KCTD5: variants seen among roughly 807,000 people sequenced by gnomAD.
The protein encoded by KCTD5 is potassium channel tetramerization domain containing 5.
Under a neutral mutation model 27.9 loss-of-function variants are expected in KCTD5, and 12 were observed. The observed-to-expected ratio is 0.43, with a 90% CI of 0.28 to 0.70. The LOEUF is 0.70. Among genes scored for constraint, KCTD5 ranks in the 30% least tolerant of loss-of-function variants. The pLI is 0.19. For synonymous variants in KCTD5, 147 were observed against 121.4 expected, an observed-to-expected ratio of 1.21 and a Z score of -1.39; for missense variants, 226 against 274.8, an observed-to-expected ratio of 0.82 and a Z score of 1.26.
intron 1 of KCTD5, among the ~76,000 whole-genome samples, chr16:2,692,160 T>G (rs1303592803): frequency 6.6e-6 from 1 of 152,164 alleles, no homozygotes; most frequent in East Asian, 1.9e-4. Flanking sequence ...CTTGCAAAGC[T>G]CCACGTCCCT....
chr16:2,687,444 G>C (rs1260020570), intron 1 of KCTD5, among the ~76,000 whole-genome samples: 2 of 152,228 alleles, frequency 1.3e-5, no homozygotes, highest in Non-Finnish European at 2.9e-5. Context: ...GCCTTCAGTG[G>C]CTGTCGTCCA....
intron 4 of KCTD5, among the ~76,000 whole-genome samples, chr16:2,700,191 T>G (rs732055): frequency 1.3e-5 from 2 of 152,020 alleles, no homozygotes; most frequent in Non-Finnish European, 2.9e-5. Context: ...CTTCGCATCA[T>G]CTGGCACCTC....
At chr16:2,687,845 G>A (rs528590069) in intron 1 of KCTD5, among the ~76,000 whole-genome samples, 9 of 152,278 alleles carry the variant, frequency 5.9e-5, no homozygotes, top group East Asian at 1.9e-4. Context: ...TAGCAAAGGT[G>A]CCAGCAAGCC....
In KCTD5 at chr16:2,698,295, C is replaced by G. The variant is rs74003062; in HGVS notation, c.453+298C>G. Among the ~76,000 whole-genome samples the G allele has an allele frequency of 2.1e-3, 324 of 152,198 alleles. 2 individuals carry two copies. The highest frequency in any genetic ancestry group is 7.5e-3 in the African/African-American group (312 of 41,526). ...GTAGGGAAGGAGGGCCCCATGAGGG[C>G]CGGTCGGGGAGACCCTGAGGTGGAT... On this transcript the variant is annotated intron_variant, in intron 3 of 5. Coordinates refer to ENST00000301738, the MANE Select transcript of KCTD5 (RefSeq NM_018992.4).
intron 4 of KCTD5, among the ~76,000 whole-genome samples, chr16:2,700,201 C>G (rs2067604971): frequency 6.6e-6 from 1 of 152,206 alleles, no homozygotes; most frequent in Non-Finnish European, 1.5e-5. Flanking sequence ...TCTGGCACCT[C>G]TGTGTGAGGG....
At chr16:2,701,067 C>T (rs887788206) in intron 4 of KCTD5, among the ~76,000 whole-genome samples, 3 of 152,202 alleles carry the variant, frequency 2.0e-5, no homozygotes, top group South Asian at 2.1e-4. Context: ...TCGGGGTCCG[C>T]GAACAGGGCT....
chr16:2,699,223 A>T (rs1455159177), intron 3 of KCTD5: 2 of 456,006 alleles, frequency 4.4e-6, no homozygotes, highest in South Asian at 1.5e-5. Flanking sequence ...CCCACTGGGG[A>T]GCAGCTCCAT....
chr16:2,707,525 TG>T lies in KCTD5; in HGVS notation c.*203del. ...TGTCCAAGGCCAGACGTCCCCAAGT[TG>T]GGGGAGCACGGCGGCCGGGTGGGCG... On this transcript the variant is annotated 3_prime_UTR_variant, in exon 6 of 6. Coordinates refer to ENST00000301738, the MANE Select transcript of KCTD5 (RefSeq NM_018992.4). The T allele has an allele frequency of 1.4e-6, 1 of 695,810 alleles. No homozygotes were observed. The allele number at this position is 695,810 out of a possible 1,614,324, so 43.1% of individuals were successfully genotyped here. A position where few individuals can be genotyped will look rare whatever the true frequency, so the allele number is the denominator to read the frequency against.
Position 2,702,336 on chromosome 16 carries a change from G to C in KCTD5, c.550-17G>C, listed in dbSNP as rs755719010. On this transcript the variant is annotated splice_polypyrimidine_tract_variant and intron_variant, in intron 4 of 5. Coordinates refer to ENST00000301738, the MANE Select transcript of KCTD5 (RefSeq NM_018992.4). ...CAGGCTTCACTGGGCTGCGTCTCAG[G>C]CTATGTCTCCTTGCAGTTGGTCAGC... 6.2e-7 allele frequency: 1 copy of C among 1,613,184 alleles called. No homozygotes were observed. Among genetic ancestry groups the C allele is most frequent in the African/African-American group, 1.3e-5 (1 of 74,926 alleles).
chr16:2,707,616 C>T lies in KCTD5; in HGVS notation c.*289C>T, dbSNP rs2067642961. 5.0e-6 allele frequency: 3 copies of T among 603,638 alleles called. No homozygotes were observed. Among genetic ancestry groups the T allele is most frequent in the Admixed American group, 5.8e-5 (2 of 34,332 alleles). The allele number at this position is 603,638 out of a possible 1,614,324, so 37.4% of individuals were successfully genotyped here. On this transcript the variant is annotated 3_prime_UTR_variant, in exon 6 of 6. Transcript: ENST00000301738. ...CCACGTGGGACTGAGGCAGACACTC[C>T]CAGTCAGCCCGCTCGATCCTGAAGA...
intron 1 of KCTD5, among the ~76,000 whole-genome samples, chr16:2,689,742 A>G (rs1239695869): frequency 6.6e-6 from 1 of 151,856 alleles, no homozygotes; most frequent in South Asian, 2.1e-4. Context: ...GTAATGCACA[A>G]TTTTGGCTCA....
Position 2,702,342 on chromosome 16 carries a change from T to A in KCTD5, c.550-11T>A. On this transcript the variant is annotated splice_polypyrimidine_tract_variant and intron_variant, in intron 4 of 5. Transcript: ENST00000301738. Reference sequence around the variant, plus strand: ...TCACTGGGCTGCGTCTCAGGCTATGTCTCCTTGCAGTTGGTCAGCATCGGC... The same window carrying A: ...TCACTGGGCTGCGTCTCAGGCTATGACTCCTTGCAGTTGGTCAGCATCGGC... 2 of 1,613,356 alleles carry A rather than the reference T, an allele frequency of 1.2e-6. No individual in the cohort carries two copies. Among genetic ancestry groups the A allele is most frequent in the South Asian group, 2.2e-5 (2 of 91,080 alleles).
At chr16:2,697,394 C>T (rs2067591084) in intron 2 of KCTD5, 2 of 154,660 alleles carry the variant, frequency 1.3e-5, no homozygotes, top group South Asian at 2.0e-4. Flanking sequence ...ACAGTCTTCC[C>T]TTTGAATGGG....
intron 3 of KCTD5, 53 bp downstream of exon 3, chr16:2,698,050 C>T: frequency 1.6e-6 from 2 of 1,283,922 alleles, no homozygotes; most frequent in South Asian, 1.2e-5. Flanking sequence ...GAAGGAAGGG[C>T]TCCCCTTTAC....
chr16:2,682,817 C>G lies in KCTD5; in HGVS notation c.252+17C>G. 1 of 1,577,278 alleles carries G rather than the reference C, an allele frequency of 6.3e-7. No individual in the cohort carries two copies. Among genetic ancestry groups the G allele is most frequent in the Non-Finnish European group, 8.6e-7 (1 of 1,164,896 alleles). Reference sequence around the variant, plus strand: ...TCAGACAAGGTGAGGGCCTCACGGGCCAGCCCGGAGGGTCCTGGCCTTCCC... The same window carrying G: ...TCAGACAAGGTGAGGGCCTCACGGGGCAGCCCGGAGGGTCCTGGCCTTCCC... On this transcript the variant is annotated intron_variant, in intron 1 of 5. Coordinates refer to ENST00000301738, the MANE Select transcript of KCTD5 (RefSeq NM_018992.4).
intron 4 of KCTD5, 48 bp from the exon 5 acceptor site, chr16:2,702,305 G>A: frequency 6.2e-7 from 1 of 1,609,626 alleles, no homozygotes; most frequent in South Asian, 1.1e-5. Flanking sequence ...GCCTGGCTGG[G>A]TCTCTCAGGC....
At chr16:2,706,599 G>A (rs1403588917) in intron 5 of KCTD5, among the ~76,000 whole-genome samples, 5 of 151,430 alleles carry the variant, frequency 3.3e-5, no homozygotes, top group Non-Finnish European at 7.4e-5. Context: ...GCCTCAGGGG[G>A]TTCCTGGACA....
intron 5 of KCTD5, 149 bp from the exon 6 acceptor site, chr16:2,707,149 G>A: frequency 1.5e-6 from 1 of 659,680 alleles, no homozygotes; most frequent in Non-Finnish European, 2.7e-6. Flanking sequence ...CCTGCCAGCT[G>A]AGTCCCCAAG....
At chr16:2,686,813 T>C (rs1323862896) in intron 1 of KCTD5, among the ~76,000 whole-genome samples, 1 of 148,718 alleles carries the variant, frequency 6.7e-6, no homozygotes, top group Admixed American at 6.7e-5. Context: ...CAGGGCCCAG[T>C]GATGGGGTGT....
Sources: allele counts gnomAD v4.1 joint callset (sites outside exome capture counted in the v4.1 genomes callset), GRCh38; gene constraint gnomAD v4.1.1; transcripts MANE v1.5; gene names NCBI Gene and HGNC (gene_info 2026-07-23, HGNC 2026-07-21).